CD163L1: variants seen among roughly 807,000 people sequenced by gnomAD.
CD163L1 encodes scavenger receptor cysteine-rich type 1 protein M160.
Under a neutral mutation model 165.4 loss-of-function variants are expected in CD163L1, and 124 were observed. The observed-to-expected ratio is 0.75, with a 90% CI of 0.65 to 0.87. The LOEUF (loss-of-function observed/expected upper bound fraction) is 0.87, where lower values mean the gene tolerates loss of function less well. Ranked by LOEUF, CD163L1 falls within the 40% of genes least tolerant of loss-of-function variation. CD163L1 has a pLI of 0.00. For missense variants in CD163L1, 1,525 were observed against 1,799.9 expected (o/e 0.85, Z 2.76); for synonymous variants, 585 against 662.2 (o/e 0.88, Z 1.79).
At chr12:7,332,822 C>G in the CD163L1 span, among the ~76,000 whole-genome samples, 1 of 152,130 alleles carries the variant, frequency 6.6e-6, no homozygotes, top group Non-Finnish European at 1.5e-5. Flanking sequence ...CTAGCCACTG[C>G]AAAAACATGC....
intron 8 of CD163L1, among the ~76,000 whole-genome samples, chr12:7,393,360 C>T (rs1470218168): frequency 6.6e-6 from 1 of 152,080 alleles, no homozygotes; most frequent in Non-Finnish European, 1.5e-5. Context: ...AGGCCTTAGA[C>T]AAAATTTAAC....
chr12:7,380,299 G>A (rs1299897338), intron 8 of CD163L1, among the ~76,000 whole-genome samples: 31 of 51,822 alleles, frequency 6.0e-4, no homozygotes, highest in East Asian at 1.9e-3. Flanking sequence ...GTGTGTGTGT[G>A]TGTATACACA....
intron 2 of CD163L1, among the ~76,000 whole-genome samples, chr12:7,440,610 A>C (rs1948817896): frequency 6.7e-6 from 1 of 149,320 alleles, no homozygotes; most frequent in Non-Finnish European, 1.5e-5. Flanking sequence ...TACGTTTGGA[A>C]ACTATCTTTA....
chr12:7,421,033 ATACGTGTATATATATG>A (rs1948346060), intron 4 of CD163L1, among the ~76,000 whole-genome samples: 1 of 111,500 alleles, frequency 9.0e-6, no homozygotes, highest in African/African-American at 4.8e-5. Flanking sequence ...ACATATATAT[ATACGTGTATATATATG>A]TATATACGTA....
chr12:7,379,381 T>C, intron 8 of CD163L1, 83 bp from the exon 9 acceptor site: 1 of 1,394,182 alleles, frequency 7.2e-7, no homozygotes, highest in Non-Finnish European at 9.7e-7. Context: ...TACACTAACA[T>C]AGACCAGTGG....
intron 4 of CD163L1, among the ~76,000 whole-genome samples, chr12:7,349,938 C>A (rs1486286141): frequency 6.6e-6 from 1 of 152,072 alleles, no homozygotes; most frequent in African/African-American, 2.4e-5. Context: ...GGAACAATTA[C>A]CCATACCCCC....
chr12:7,398,117 T>C lies in CD163L1; in HGVS notation c.1729+147A>G. On this transcript the variant is annotated intron_variant, in intron 7 of 19. Coordinates refer to ENST00000313599, the MANE Select transcript of CD163L1 (RefSeq NM_174941.6). The surrounding 1 kb of genome is among the most constrained non-coding windows in gnomAD (Gnocchi z 4.5). The stretch of plus-strand genomic sequence containing the variant: ...CCTGTATAAGTGGAAGAGTTCCAGG[T>C]GAAGTGAACTGAAGTCTAATTTAAA... 1 of 653,564 alleles carries C rather than the reference T, an allele frequency of 1.5e-6. No homozygotes were observed. The highest frequency in any genetic ancestry group is 2.1e-5 in the South Asian group (1 of 48,242). 40.5% of individuals were successfully genotyped at this position (653,564 alleles called of 1,614,324 possible).
intron 8 of CD163L1, among the ~76,000 whole-genome samples, chr12:7,394,058 T>G (rs759668911): frequency 1.3e-5 from 2 of 150,528 alleles, no homozygotes; most frequent in South Asian, 4.2e-4. Flanking sequence ...TTCACCGAAT[T>G]GGAAAAAACT....
chr12:7,345,318 A>G (rs1321386122), downstream of CD163L1, among the ~76,000 whole-genome samples: 1 of 152,180 alleles, frequency 6.6e-6, no homozygotes, highest in Non-Finnish European at 1.5e-5. Context: ...TTCTTCCACC[A>G]GATGCCTTAA....
chr12:7,351,870 T>C (rs1235144196), downstream of CD163L1, among the ~76,000 whole-genome samples: 1 of 152,082 alleles, frequency 6.6e-6, no homozygotes, highest in Non-Finnish European at 1.5e-5. Flanking sequence ...GGAACTAATG[T>C]GAGGAACTAA....
chr12:7,373,933 A>C lies in CD163L1; in HGVS notation c.3410-293T>G, dbSNP rs1424221341. Among the ~76,000 whole-genome samples the C allele has an allele frequency of 2.0e-5, 3 of 152,220 alleles. No homozygotes were observed. In the East Asian group the frequency reaches 5.8e-4, roughly 29 times the overall value. On this transcript the variant is annotated intron_variant, in intron 13 of 19. Coordinates refer to ENST00000313599, the MANE Select transcript of CD163L1 (RefSeq NM_174941.6). ...GAACATAAATTCAATTCAGAAAATAATCAGGAGGTTAACCTCATTTGCAGG... is the reference window on the plus strand; with the variant it reads ...GAACATAAATTCAATTCAGAAAATACTCAGGAGGTTAACCTCATTTGCAGG...
chr12:7,409,952 G>A (rs1443559893), intron 4 of CD163L1, among the ~76,000 whole-genome samples: 3 of 152,054 alleles, frequency 2.0e-5, no homozygotes, highest in African/African-American at 7.2e-5. Context: ...CAGGAGGTGT[G>A]AATTACCAGA....
chr12:7,375,186 C>T, intron 11 of CD163L1, 95 bp downstream of exon 11: 4 of 1,272,594 alleles, frequency 3.1e-6, no homozygotes, highest in South Asian at 1.4e-5. Flanking sequence ...CCACCTGCAC[C>T]CCCATTTTCT....
chr12:7,392,436 G>C (rs1423560888), intron 8 of CD163L1, among the ~76,000 whole-genome samples: 1 of 151,962 alleles, frequency 6.6e-6, no homozygotes, highest in Admixed American at 6.6e-5. Context: ...TGTGTAGAGG[G>C]AAATTTATAG....
intron 18 of CD163L1, among the ~76,000 whole-genome samples, chr12:7,361,870 C>A (rs1339003308): frequency 6.6e-6 from 1 of 151,872 alleles, no homozygotes; most frequent in Non-Finnish European, 1.5e-5. Flanking sequence ...TTCTTTTTAT[C>A]TTGCAAAATG....
At chr12:7,342,250 G>C (rs958591181), downstream of CD163L1, among the ~76,000 whole-genome samples, 1 of 152,200 alleles carries the variant, frequency 6.6e-6, no homozygotes, top group Non-Finnish European at 1.5e-5. Context: ...GCAGGGAACA[G>C]CTGACCCACC....
intron 4 of CD163L1, among the ~76,000 whole-genome samples, chr12:7,421,512 T>C (rs1304333954): frequency 8.8e-6 from 1 of 113,584 alleles, no homozygotes; most frequent in Non-Finnish European, 1.8e-5. Context: ...CATATACATA[T>C]ACATATATGT....
chr12:7,375,521 A>AGT lies in CD163L1; in HGVS notation c.2759_2760dup (p.Trp921ThrfsTer51). 1 of 1,614,106 alleles carries AGT rather than the reference A, an allele frequency of 6.2e-7. No homozygotes were observed. Among genetic ancestry groups the AGT allele is most frequent in the Non-Finnish European group, 8.5e-7 (1 of 1,180,026 alleles). ...CAGTGGGTGTCACACAGTGAGCCCC[A>AGT]GTGTCCAAGCACGTTGATCTCCACT... On this transcript the variant is annotated frameshift_variant, in exon 11 of 20. Transcript: ENST00000313599. LOFTEE classifies it high-confidence loss of function.
At position 7,432,627 on chromosome 12, in the gene CD163L1, G is replaced by A. The variant is rs1948648698; in HGVS notation, c.555C>T (p.Asn185=). 6.2e-7 allele frequency: 1 copy of A among 1,614,156 alleles called. No homozygotes were observed. The highest frequency in any genetic ancestry group is 1.3e-5 in the African/African-American group (1 of 75,024). The change falls in exon 4 of 20, where the codon AAC becomes AAT. Residue 185 remains asparagine (N), a synonymous_variant. Transcript: ENST00000313599. This position sits in a 1 kb window ranked among gnomAD's most constrained non-coding sequence, Gnocchi z 4.2. ...TGCACACCACGGCAGCAGTATTCAA[G>A]TTCCACCCATCATCACATATAGTTC... The part of the protein sequence containing the change: ...RWGTICDDGW[N]LNTAAVVCRQ...
Sources: gnomAD v4.1 joint callset for allele counts (sites outside exome capture counted in the v4.1 genomes callset) on GRCh38, gnomAD v4.1.1 for gene constraint, Gnocchi (gnomAD v3.1) non-coding constraint, MANE v1.5 for transcripts, NCBI Gene and HGNC (gene_info 2026-07-23, HGNC 2026-07-21) for gene names.